KCNK2: variants seen among roughly 807,000 people sequenced by gnomAD.
The protein encoded by KCNK2 is potassium channel subfamily K member 2.
KCNK2 carries 21 observed loss-of-function variants against 40.5 expected under a neutral mutation model. The observed-to-expected ratio is 0.52, with a 90% CI of 0.37 to 0.75. The LOEUF (loss-of-function observed/expected upper bound fraction) is 0.75, where lower values mean the gene tolerates loss of function less well. Ranked by LOEUF, KCNK2 falls within the 30% of genes least tolerant of loss-of-function variation. The probability of loss-of-function intolerance (pLI) is 0.00; values close to 1 mark genes in which losing one functional copy is unlikely to be tolerated. For missense variants in KCNK2, 399 were observed against 531.6 expected, an observed-to-expected ratio of 0.75 and a Z score of 2.45; for synonymous variants, 191 against 202.2, an observed-to-expected ratio of 0.94 and a Z score of 0.47.
chr1:215,124,553 C>T (rs1661333380), intron 2 of KCNK2, 80 bp from the exon 3 acceptor site: 2 of 825,426 alleles, frequency 2.4e-6, no homozygotes, highest in Admixed American at 3.8e-5. Context: ...TCAAATAAGT[C>T]ATTTCTGGGG....
intron 3 of KCNK2, among the ~76,000 whole-genome samples, chr1:215,125,406 A>G (rs925763012): frequency 1.7e-4 from 26 of 152,154 alleles, no homozygotes; most frequent in Non-Finnish European, 2.9e-4. Flanking sequence ...ACTGACACAT[A>G]TGTTTGACAT....
At chr1:215,183,367 A>C (rs1434902614) in intron 5 of KCNK2, among the ~76,000 whole-genome samples, 1 of 152,166 alleles carries the variant, frequency 6.6e-6, no homozygotes. Context: ...TTACCCACTT[A>C]ATTTTCAAAC....
chr1:215,183,275 C>G (rs538104645), intron 5 of KCNK2, among the ~76,000 whole-genome samples: 2 of 152,096 alleles, frequency 1.3e-5, no homozygotes, highest in South Asian at 4.1e-4. Context: ...TACTTAGGCT[C>G]TTTTCTGCCT....
At chr1:215,117,764 C>T (rs1661011824) in intron 2 of KCNK2, among the ~76,000 whole-genome samples, 1 of 151,974 alleles carries the variant, frequency 6.6e-6, no homozygotes, top group African/African-American at 2.4e-5. Context: ...TAGTGGCACT[C>T]GACAGGAATA....
chr1:215,049,163 TAA>T (rs1443767731), intron 1 of KCNK2, among the ~76,000 whole-genome samples: 2 of 152,208 alleles, frequency 1.3e-5, no homozygotes, highest in Non-Finnish European at 2.9e-5. Context: ...ATATTGTCAC[TAA>T]GTTTTATTTT....
rs964925956 is a variant in KCNK2 at position 215,142,254 on chromosome 1, C to A, written c.475+17504C>A. On this transcript the variant is annotated intron_variant, in intron 3 of 6. Coordinates refer to ENST00000444842, the MANE Select transcript of KCNK2 (RefSeq NM_001017425.3). The stretch of plus-strand genomic sequence containing the variant: ...GTTTTATTCTCTCCTGTTGTGATTT[C>A]CAAACATATTCTGGGTCCTGCAGTA... 3.3e-5 allele frequency among the ~76,000 whole-genome samples: 5 copies of A among 152,108 alleles called. No individual in the cohort carries two copies. In the East Asian group the frequency reaches 5.8e-4, roughly 18 times the overall value.
At chr1:215,066,032 A>G (rs781766694) in intron 1 of KCNK2, among the ~76,000 whole-genome samples, 22 of 152,118 alleles carry the variant, frequency 1.4e-4, no homozygotes, top group Non-Finnish European at 3.1e-4. Context: ...ACCAAACACC[A>G]TAGGTTCTCA....
chr1:215,130,488 C>G (rs1461042536), intron 3 of KCNK2, among the ~76,000 whole-genome samples: 1 of 152,054 alleles, frequency 6.6e-6, no homozygotes, highest in Non-Finnish European at 1.5e-5. Flanking sequence ...CCTAGGAACC[C>G]CTGAATTTGC....
At chr1:215,143,589 G>A (rs1662282465) in intron 3 of KCNK2, among the ~76,000 whole-genome samples, 1 of 152,094 alleles carries the variant, frequency 6.6e-6, no homozygotes, top group African/African-American at 2.4e-5. Context: ...GTACGCCAAA[G>A]CATTGAGAAA....
intron 6 of KCNK2, among the ~76,000 whole-genome samples, chr1:215,220,672 C>A (rs191132103): frequency 6.6e-6 from 1 of 152,228 alleles, no homozygotes; most frequent in East Asian, 1.9e-4. Context: ...GTGGACTGGT[C>A]CTGTATTGCT....
chr1:215,121,828 A>G (rs1661200958), intron 2 of KCNK2, among the ~76,000 whole-genome samples: 1 of 152,192 alleles, frequency 6.6e-6, no homozygotes, highest in African/African-American at 2.4e-5. Context: ...ATAATTATTT[A>G]TTGTAAAAAT....
At chr1:215,140,122 T>TA (rs1327026687) in intron 3 of KCNK2, among the ~76,000 whole-genome samples, 2 of 152,130 alleles carry the variant, frequency 1.3e-5, no homozygotes, top group African/African-American at 4.8e-5. Context: ...AATGAAAACA[T>TA]AAAAATAAAC....
At chr1:215,081,933 G>T (rs1558081405), upstream of KCNK2, 1 of 152,216 alleles carries the variant, frequency 6.6e-6, no homozygotes, top group Admixed American at 6.6e-5. Context: ...AGTTTGGGCG[G>T]GGTCTGGTAC....
At chr1:215,233,964 T>C (rs1239684543) in intron 6 of KCNK2, among the ~76,000 whole-genome samples, 7 of 152,198 alleles carry the variant, frequency 4.6e-5, no homozygotes, top group Non-Finnish European at 1.0e-4. Flanking sequence ...TTTCTTTAAT[T>C]CTCAAAAGAT....
intron 1 of KCNK2, among the ~76,000 whole-genome samples, chr1:215,034,925 C>T (rs906045502): frequency 9.2e-5 from 14 of 152,078 alleles, no homozygotes; most frequent in Admixed American, 2.0e-4. Context: ...TCCAGCATCA[C>T]GGATTCTAAT....
intron 3 of KCNK2, among the ~76,000 whole-genome samples, chr1:215,145,431 T>C (rs568680338): frequency 7.9e-5 from 12 of 152,314 alleles, no homozygotes; most frequent in African/African-American, 2.9e-4. Flanking sequence ...TTACCTTCAG[T>C]ACACTTGAAA....
chr1:215,197,649 A>AGGCC (rs1231913712), intron 6 of KCNK2, among the ~76,000 whole-genome samples: 1 of 152,162 alleles, frequency 6.6e-6, no homozygotes, highest in African/African-American at 2.4e-5. Context: ...GACACAAATC[A>AGGCC]GGCCATAACA....
intron 3 of KCNK2, among the ~76,000 whole-genome samples, chr1:215,127,810 G>A (rs1050006947): frequency 3.3e-5 from 5 of 152,206 alleles, no homozygotes; most frequent in South Asian, 2.1e-4. Context: ...AAACAAATAG[G>A]CATTTCATAT....
intron 1 of KCNK2, among the ~76,000 whole-genome samples, chr1:215,028,340 G>C (rs1396934921): frequency 8.5e-6 from 1 of 118,190 alleles, no homozygotes; most frequent in Non-Finnish European, 2.1e-5. Context: ...AGCTGAGATT[G>C]TGCCATTGCA....
Sources: gnomAD v4.1 joint callset for allele counts (sites outside exome capture counted in the v4.1 genomes callset) on GRCh38, gnomAD v4.1.1 for gene constraint, MANE v1.5 for transcripts, NCBI Gene and HGNC (gene_info 2026-07-23, HGNC 2026-07-21) for gene names.